The following SLC1A2 variants were observed in gnomAD, a reference collection of about 807,000 sequenced individuals.
SLC1A2 encodes solute carrier family 1 member 2.
Under a neutral mutation model 48.8 loss-of-function variants are expected in SLC1A2, and 15 were observed. The ratio of observed to expected loss-of-function variants is 0.31; its 90% CI spans 0.21 to 0.47. SLC1A2 has a LOEUF of 0.47. SLC1A2 is among the 20% of genes least tolerant of loss of function. SLC1A2 has a pLI of 0.99. For missense variants in SLC1A2, 502 were observed against 730.5 expected (o/e 0.69, Z 3.61); for synonymous variants, 279 against 272.6 (o/e 1.02, Z -0.23).
At chr11:35,297,585 T>TTTACTTTTCATTTTACTTCTC (rs1390192727) in intron 6 of SLC1A2, among the ~76,000 whole-genome samples, 119 of 152,340 alleles carry the variant, frequency 7.8e-4, no homozygotes, top group African/African-American at 2.7e-3. Context: ...CTTCTCACTT[T>TTTACTTTTCATTTTACTTCTC]ATGTTTTTAT....
rs1473649335 is a variant in SLC1A2 at position 35,253,435 on chromosome 11, G to C, written c.*7459C>G. 6.6e-6 allele frequency: 1 copy of C among 152,476 alleles called. No individual in the cohort carries two copies. The highest frequency in any genetic ancestry group is 1.5e-5 in the Non-Finnish European group (1 of 68,010). The allele number at this position is 152,476 out of a possible 1,614,324, so 9.4% of individuals were successfully genotyped here. A position where few individuals can be genotyped will look rare whatever the true frequency, so the allele number is the denominator to read the frequency against. The stretch of plus-strand genomic sequence containing the variant: ...AGCCAATTTCCACATAAACCTTTAG[G>C]AATGTATGAAACATTCTGATCTAGG... On this transcript the variant is annotated 3_prime_UTR_variant, in exon 11 of 11. Transcript: ENST00000278379.
At chr11:35,348,709 T>C (rs932726704) in intron 1 of SLC1A2, among the ~76,000 whole-genome samples, 3 of 151,596 alleles carry the variant, frequency 2.0e-5, no homozygotes, top group Admixed American at 6.6e-5. Flanking sequence ...CTGACCAACA[T>C]GGTGAAACCC....
At chr11:35,388,466 C>A (rs185651858) in intron 1 of SLC1A2, among the ~76,000 whole-genome samples, 12 of 152,224 alleles carry the variant, frequency 7.9e-5, no homozygotes, top group African/African-American at 2.9e-4. Context: ...GTGATCACAG[C>A]TCACTGCAAC....
At chr11:35,261,621 C>T (rs1950395065) in intron 10 of SLC1A2, 2 of 398,234 alleles carry the variant, frequency 5.0e-6, no homozygotes, top group Non-Finnish European at 8.8e-6. Context: ...AACCTTTTTG[C>T]AGAATAGGAG....
At chr11:35,277,812 GT>G (rs1220254828) in intron 9 of SLC1A2, among the ~76,000 whole-genome samples, 1 of 152,188 alleles carries the variant, frequency 6.6e-6, no homozygotes, top group African/African-American at 2.4e-5. Flanking sequence ...CAACTATGTG[GT>G]TAAGAGTAGC....
chr11:35,390,262 A>T (rs1231646457), intron 1 of SLC1A2, among the ~76,000 whole-genome samples: 1 of 151,836 alleles, frequency 6.6e-6, no homozygotes, highest in Non-Finnish European at 1.5e-5. Flanking sequence ...TTTTCTCATG[A>T]TGTCTCAGCG....
intron 5 of SLC1A2, among the ~76,000 whole-genome samples, chr11:35,303,126 C>G (rs1421398488): frequency 6.6e-6 from 1 of 151,850 alleles, no homozygotes; most frequent in Non-Finnish European, 1.5e-5. Context: ...AAAGTCTTAA[C>G]CCATACTCAG....
At chr11:35,293,196 G>C (rs544317126) in intron 6 of SLC1A2, among the ~76,000 whole-genome samples, 58 of 152,220 alleles carry the variant, frequency 3.8e-4, no homozygotes, top group African/African-American at 1.4e-3. Flanking sequence ...CGAAAATCTA[G>C]GTGTCATTAT....
At position 35,306,054 on chromosome 11, in the gene SLC1A2, C is replaced by T. The variant is rs201101476; in HGVS notation, c.730+20G>A. 2.4e-5 allele frequency: 38 copies of T among 1,610,762 alleles called. No individual in the cohort carries two copies. Among genetic ancestry groups the T allele is most frequent in the South Asian group, 1.8e-4 (16 of 90,884 alleles). On this transcript the variant is annotated intron_variant, in intron 5 of 10. Transcript: ENST00000278379. ...AGCCATTGCCAGGGAAGCAGAATCC[C>T]GGACCACCAGCTGGCCTACCTAAGA... is the stretch of plus-strand genomic sequence containing the variant.
chr11:35,329,009 T>C (rs947859762), intron 1 of SLC1A2, among the ~76,000 whole-genome samples: 2 of 152,234 alleles, frequency 1.3e-5, no homozygotes, highest in Non-Finnish European at 2.9e-5. Flanking sequence ...CTAGACATCC[T>C]TCAGTGGGCA....
chr11:35,377,174 C>T (rs532568396), intron 1 of SLC1A2, among the ~76,000 whole-genome samples: 1 of 152,310 alleles, frequency 6.6e-6, no homozygotes, highest in African/African-American at 2.4e-5. Flanking sequence ...ATATTATTCC[C>T]ATCTCACAGA....
In SLC1A2 at chr11:35,256,451, C is replaced by T. The variant is rs1363468381; in HGVS notation, c.*4443G>A. ...AAAATGTGTCATGAGCAGCTGGAAA[C>T]TCACTCTATGCTAGGAGAACAATCT... On this transcript the variant is annotated 3_prime_UTR_variant, in exon 11 of 11. Transcript: ENST00000278379. The T allele has an allele frequency of 1.3e-5, 2 of 152,538 alleles. No homozygotes were observed. The highest frequency in any genetic ancestry group is 3.9e-4 in the East Asian group (2 of 5,194). 9.4% of individuals were successfully genotyped at this position (152,538 alleles called of 1,614,324 possible).
At chr11:35,344,669 C>A (rs551090796) in intron 1 of SLC1A2, among the ~76,000 whole-genome samples, 14 of 152,200 alleles carry the variant, frequency 9.2e-5, no homozygotes, top group Non-Finnish European at 1.8e-4. Flanking sequence ...GTCCTGGCTG[C>A]CATCCCTCAC....
intron 1 of SLC1A2, among the ~76,000 whole-genome samples, chr11:35,356,259 G>A (rs1012854967): frequency 5.3e-5 from 8 of 152,064 alleles, no homozygotes; most frequent in African/African-American, 1.7e-4. Context: ...ACTTATAATC[G>A]ACCCATACAA....
intron 7 of SLC1A2, among the ~76,000 whole-genome samples, chr11:35,289,670 AG>A (rs1233373097): frequency 6.6e-6 from 1 of 152,242 alleles, no homozygotes; most frequent in African/African-American, 2.4e-5. Flanking sequence ...TAAACCATAA[AG>A]GTATTGGAAG....
chr11:35,380,481 C>G (rs1201840244), intron 1 of SLC1A2: 4 of 398,386 alleles, frequency 1.0e-5, no homozygotes, highest in Non-Finnish European at 1.8e-5. Flanking sequence ...CCCAGCTAAT[C>G]TGTGCGACTC....
At chr11:35,377,482 G>C (rs1020454213) in intron 1 of SLC1A2, among the ~76,000 whole-genome samples, 3 of 152,160 alleles carry the variant, frequency 2.0e-5, no homozygotes, top group Non-Finnish European at 4.4e-5. Context: ...AAAGGGGGAT[G>C]ATGATCAACT....
At chr11:35,341,035 C>A (rs537294602) in intron 1 of SLC1A2, among the ~76,000 whole-genome samples, 1 of 152,302 alleles carries the variant, frequency 6.6e-6, no homozygotes, top group East Asian at 1.9e-4. Context: ...ACATAAAACA[C>A]AGATTGAGTA....
chr11:35,365,684 T>C (rs1329870335), intron 1 of SLC1A2, among the ~76,000 whole-genome samples: 1 of 152,228 alleles, frequency 6.6e-6, no homozygotes, highest in Non-Finnish European at 1.5e-5. Flanking sequence ...CTGTTTTCTT[T>C]ACATAATTCA....
Sources: gnomAD v4.1 joint callset for allele counts (sites outside exome capture counted in the v4.1 genomes callset) on GRCh38, gnomAD v4.1.1 for gene constraint, MANE v1.5 for transcripts, NCBI Gene and HGNC (gene_info 2026-07-23, HGNC 2026-07-21) for gene names.